The following NUP43 variants were observed in gnomAD, a reference collection of about 807,000 sequenced individuals.
The protein encoded by NUP43 is nucleoporin Nup43.
A neutral mutation model predicts 47.3 loss-of-function variants in NUP43; 32 were observed. The observed-to-expected ratio is 0.68, with a 90% CI of 0.51 to 0.91. The LOEUF (loss-of-function observed/expected upper bound fraction) is 0.91, where lower values mean the gene tolerates loss of function less well. Among genes scored for constraint, NUP43 ranks in the 40% least tolerant of loss-of-function variants. NUP43 has a pLI of 0.00. For missense variants in NUP43, 444 were observed against 453.9 expected (o/e 0.98, Z 0.20); for synonymous variants, 147 against 158.4 (o/e 0.93, Z 0.54).
intron 7 of NUP43, chr6:149,729,540 C>T (rs12526675): frequency 1.0e-6 from 1 of 983,754 alleles, no homozygotes; most frequent in Non-Finnish European, 1.2e-6. Context: ...CAAACTTTTA[C>T]AGCATTTTCA....
intron 4 of NUP43, among the ~76,000 whole-genome samples, chr6:149,739,128 G>A (rs1785515218): frequency 6.6e-6 from 1 of 151,762 alleles, no homozygotes; most frequent in Non-Finnish European, 1.5e-5. Flanking sequence ...TTAGAAATGT[G>A]CCACCACACC....
At position 149,731,636 on chromosome 6, in the gene NUP43, T is replaced by C. The variant is rs759403567; in HGVS notation, c.890A>G (p.Glu297Gly). 1 of 1,613,666 alleles carries C rather than the reference T, an allele frequency of 6.2e-7. No homozygotes were observed. Among genetic ancestry groups the C allele is most frequent in the Non-Finnish European group, 8.5e-7 (1 of 1,179,934 alleles). The change falls in exon 7 of 8, where the codon GAA becomes GGA. Residue 297 changes from glutamate to glycine, a missense_variant. Physicochemically the swap from Glu to Gly is moderately conservative, Grantham distance 98 (BLOSUM62 -2). Transcript: ENST00000340413. Reference sequence around the variant, plus strand: ...ACCTTGGTGAAAGAGTGACGACTTTTCAGGTACATCTGTGGAAGCATCCCA... The same window carrying C: ...ACCTTGGTGAAAGAGTGACGACTTTCCAGGTACATCTGTGGAAGCATCCCA... ...WHWDASTDVP[E>G]KSSLFHQGGR...
rs1466829313 is a variant in NUP43, at chr6:149,725,078, T to A, written c.*1891A>T. ...CAATGAACAAATTCATAAATTACGG[T>A]GTTACATTACATAAAGCTTAGTTTC... On this transcript the variant is annotated 3_prime_UTR_variant, in exon 8 of 8. Coordinates refer to ENST00000340413, the MANE Select transcript of NUP43 (RefSeq NM_198887.3). 6.6e-6 allele frequency: 1 copy of A among 152,224 alleles called. No homozygotes were observed. The highest frequency in any genetic ancestry group is 1.5e-5 in the Non-Finnish European group (1 of 68,044). The allele number at this position is 152,224 out of a possible 1,614,324, so 9.4% of individuals were successfully genotyped here. A position where few individuals can be genotyped will look rare whatever the true frequency, so the allele number is the denominator to read the frequency against.
intron 7 of NUP43, among the ~76,000 whole-genome samples, chr6:149,730,100 C>T (rs1231834275): frequency 1.3e-5 from 2 of 151,620 alleles, no homozygotes; most frequent in Admixed American, 1.3e-4. Flanking sequence ...ACCTCTGTCT[C>T]CTGGGTAAAA....
chr6:149,727,646 A>G, intron 7 of NUP43: 1 of 807,726 alleles, frequency 1.2e-6, no homozygotes, highest in Non-Finnish European at 1.5e-6. Flanking sequence ...ACATTTCTAG[A>G]AATATATTTC....
rs1035863422 is a variant in NUP43 at position 149,726,880 on chromosome 6, G to C, written c.*89C>G. 7 of 959,690 alleles carry C rather than the reference G, an allele frequency of 7.3e-6. No homozygotes were observed. The South Asian group carries it at 1.0e-4, about 14-fold the overall frequency. 59.4% of individuals were successfully genotyped at this position (959,690 alleles called of 1,614,324 possible). A position where few individuals can be genotyped will look rare whatever the true frequency, so the allele number is the denominator to read the frequency against. On this transcript the variant is annotated 3_prime_UTR_variant, in exon 8 of 8. Transcript: ENST00000340413. Reference sequence around the variant, plus strand: ...TACTGATGTTTCCCCTGCAAATCTCGTATTTTCTGATACTAAAATTTTGCA... The same window carrying C: ...TACTGATGTTTCCCCTGCAAATCTCCTATTTTCTGATACTAAAATTTTGCA...
intron 4 of NUP43, 81 bp downstream of exon 4, chr6:149,742,309 A>G (rs1785705213): frequency 7.5e-7 from 1 of 1,326,316 alleles, no homozygotes; most frequent in East Asian, 2.3e-5. Flanking sequence ...TGCCGGGGTG[A>G]GCCACCACAC....
At chr6:149,746,861 A>C (rs1786040301), upstream of NUP43, among the ~76,000 whole-genome samples, 1 of 152,238 alleles carries the variant, frequency 6.6e-6, no homozygotes, top group Admixed American at 6.5e-5. Flanking sequence ...AAGCAGTTGC[A>C]GGTCACTGCG....
chr6:149,732,060 T>C (rs750172457), intron 6 of NUP43, among the ~76,000 whole-genome samples: 3 of 151,556 alleles, frequency 2.0e-5, no homozygotes, highest in Non-Finnish European at 4.4e-5. Context: ...CGCGTGCTTG[T>C]AGTCCCAGCT....
upstream of NUP43, chr6:149,746,708 A>C (rs1178357358): frequency 6.6e-7 from 1 of 1,508,178 alleles, no homozygotes; most frequent in African/African-American, 1.4e-5. Context: ...CAAAGGCAAG[A>C]GCGCTTTGGC....
At chr6:149,746,550 A>ACC, upstream of NUP43, 1 of 1,613,662 alleles carries the variant, frequency 6.2e-7, no homozygotes, top group African/African-American at 1.3e-5. Flanking sequence ...CGCGCCTCTC[A>ACC]GCACCGCCTC....
rs867588044 is a variant in NUP43 at position 149,746,482 on chromosome 6, T to G, written c.14A>C (p.Tyr5Ser). 1.2e-6 allele frequency: 2 copies of G among 1,614,212 alleles called. No individual in the cohort carries two copies. Among genetic ancestry groups the G allele is most frequent in the Non-Finnish European group, 8.5e-7 (1 of 1,180,034 alleles). The change falls in exon 1 of 8, where the codon TAT (tyrosine) becomes TCT (serine). Residue 5 changes from tyrosine to serine, a missense_variant. By Grantham distance (144) the Tyr-to-Ser change is moderately radical. Transcript: ENST00000340413. ...GATTTTCTGGGACACAAACTTCGCA[T>G]AAATTTCCTCCATGCCGAAAGCGGC... The part of the protein sequence containing the change: MEEI[Y>S]AKFVSQKISK...
chr6:149,734,749 G>A (rs1785232229), intron 6 of NUP43, among the ~76,000 whole-genome samples: 1 of 139,586 alleles, frequency 7.2e-6, no homozygotes, highest in African/African-American at 2.7e-5. Flanking sequence ...AGTGAACCGC[G>A]ATTGTGCCAC....
chr6:149,728,112 CTTGT>C, intron 7 of NUP43: 1 of 985,340 alleles, frequency 1.0e-6, no homozygotes, highest in Non-Finnish European at 1.2e-6. Context: ...ACCCTCAGCA[CTTGT>C]ATGTACCATT....
chr6:149,746,535 C>T (rs1786022519), upstream of NUP43: 4 of 1,613,904 alleles, frequency 2.5e-6, no homozygotes, highest in Admixed American at 1.7e-5. Flanking sequence ...AAAGCAAGCA[C>T]AGTACGCGCC....
intron 2 of NUP43, among the ~76,000 whole-genome samples, chr6:149,745,487 C>T (rs190926991): frequency 6.6e-6 from 1 of 151,768 alleles, no homozygotes; most frequent in African/African-American, 2.4e-5. Flanking sequence ...TTCACTAAAT[C>T]GTGGTAAATC....
chr6:149,738,548 A>C, intron 5 of NUP43, 95 bp downstream of exon 5: 2 of 912,056 alleles, frequency 2.2e-6, no homozygotes, highest in Non-Finnish European at 3.1e-6. Context: ...CTTAAAATGC[A>C]ATTAAAATTC....
Position 149,726,479 on chromosome 6 carries a change from T to C in NUP43, c.*490A>G, listed in dbSNP as rs1488475806. On this transcript the variant is annotated 3_prime_UTR_variant, in exon 8 of 8. Transcript: ENST00000340413. ...ACTCAATTCTTTCTGAAAAAGTTTA[T>C]TATTATTAAGGAAATAAAGTGTGGA... 2 of 155,794 alleles carry C rather than the reference T, an allele frequency of 1.3e-5. No individual in the cohort carries two copies. The highest frequency in any genetic ancestry group is 2.8e-5 in the Non-Finnish European group (2 of 70,196). 9.7% of individuals were successfully genotyped at this position (155,794 alleles called of 1,614,324 possible).
chr6:149,747,507 C>T (rs1474853083), upstream of NUP43, among the ~76,000 whole-genome samples: 4 of 149,250 alleles, frequency 2.7e-5, no homozygotes, highest in African/African-American at 7.4e-5. Context: ...AGGCTGGTCT[C>T]GAACTCTTGA....
Sources: gnomAD v4.1 joint callset for allele counts (sites outside exome capture counted in the v4.1 genomes callset) on GRCh38, gnomAD v4.1.1 for gene constraint, MANE v1.5 for transcripts, NCBI Gene and HGNC (gene_info 2026-07-23, HGNC 2026-07-21) for gene names.